The following DOCK8 variants were observed in gnomAD, a reference collection of about 807,000 sequenced individuals.
DOCK8 encodes the protein dedicator of cytokinesis 8.
DOCK8 carries 141 observed loss-of-function variants against 245.6 expected under a neutral mutation model. The observed-to-expected ratio is 0.57, with a 90% CI of 0.50 to 0.66. The LOEUF (loss-of-function observed/expected upper bound fraction) is 0.66. DOCK8 is among the 30% of genes least tolerant of loss of function. The probability of loss-of-function intolerance (pLI) is 0.00; values close to 1 mark genes in which losing one functional copy is unlikely to be tolerated. For synonymous variants in DOCK8, 1,168 were observed against 970.2 expected, an observed-to-expected ratio of 1.20 and a Z score of -3.79; for missense variants, 2,965 against 2,603.4, an observed-to-expected ratio of 1.14 and a Z score of -3.02.
chr9:457,571 G>A (rs535104905), intron 46 of DOCK8, among the ~76,000 whole-genome samples: 6 of 152,306 alleles, frequency 3.9e-5, no homozygotes, highest in African/African-American at 1.4e-4. Context: ...ACACAGTGAT[G>A]CTGATGAGAC....
At position 372,190 on chromosome 9, in the gene DOCK8, G is replaced by C; in HGVS notation, c.2013G>C (p.Leu671=). The part of the protein sequence containing the change: ...SVETLLGYSW[L]PILLNERLQT... ...ATTTACATCATCTGTTTCAGTGGCTGCCAATTCTCTTAAATGAACGTCTTC... is the reference window on the plus strand; with the variant it reads ...ATTTACATCATCTGTTTCAGTGGCTCCCAATTCTCTTAAATGAACGTCTTC... Residue 671 remains leucine, a synonymous_variant, in exon 18 of 48, where the codon CTG becomes CTC. Coordinates refer to ENST00000432829, the MANE Select transcript of DOCK8 (RefSeq NM_203447.4). The C allele has an allele frequency of 2.5e-6, 4 of 1,613,780 alleles. No homozygotes were observed. The highest frequency in any genetic ancestry group is 1.7e-6 in the Non-Finnish European group (2 of 1,179,870).
intron 29 of DOCK8, among the ~76,000 whole-genome samples, 169 bp downstream of exon 29, chr9:415,120 C>CA (rs373687394): frequency 1.3e-5 from 2 of 151,898 alleles, no homozygotes; most frequent in Admixed American, 1.3e-4. Context: ...GTTAAAAAAA[C>CA]AAAAAAAGTC....
At chr9:249,343 C>G (rs1375993409) in intron 1 of DOCK8, among the ~76,000 whole-genome samples, 3 of 152,166 alleles carry the variant, frequency 2.0e-5, no homozygotes, top group African/African-American at 7.2e-5. Context: ...TGACCACAGC[C>G]TGTGACTCCA....
At chr9:335,718 A>C (rs1192300514) in intron 11 of DOCK8, among the ~76,000 whole-genome samples, 1 of 152,154 alleles carries the variant, frequency 6.6e-6, no homozygotes, top group Non-Finnish European at 1.5e-5. Context: ...TAGGTCAAGG[A>C]TAACCTGACA....
At chr9:233,058 A>C (rs1051814510) in intron 1 of DOCK8, among the ~76,000 whole-genome samples, 2 of 152,042 alleles carry the variant, frequency 1.3e-5, no homozygotes, top group Non-Finnish European at 2.9e-5. Context: ...CCCTCTACAC[A>C]CTGCTTTGAA....
At chr9:298,397 C>T (rs1488358132) in intron 4 of DOCK8, among the ~76,000 whole-genome samples, 1 of 152,124 alleles carries the variant, frequency 6.6e-6, no homozygotes, top group Admixed American at 6.5e-5. Flanking sequence ...TGTACTCCAG[C>T]CTGGGTGAAG....
rs1564021928 is a variant in DOCK8, at chr9:403,976, GTGTATATATATATATGTGTATA to G, written c.3235-940_3235-919del. 8.9e-3 allele frequency among the ~76,000 whole-genome samples: 594 copies of G among 66,866 alleles called. 13 individuals carry two copies. Among genetic ancestry groups the G allele is most frequent in the African/African-American group, 0.054 (547 of 10,158 alleles). 43.9% of individuals were successfully genotyped at this position (66,866 alleles called of 152,430 possible). A position where few individuals can be genotyped will look rare whatever the true frequency, so the allele number is the denominator to read the frequency against. ...TATATATATGTATATATATATATAT[GTGTATATATATATATGTGTATA>G]TATATATATATATAGTTTAAAAAAC... On this transcript the variant is annotated intron_variant, in intron 26 of 47. Transcript: ENST00000432829.
At chr9:286,353 A>C in intron 2 of DOCK8, 108 bp from the exon 3 acceptor site, 1 of 1,279,964 alleles carries the variant, frequency 7.8e-7, no homozygotes, top group Non-Finnish European at 1.1e-6. Context: ...GCCAGGAGCG[A>C]AGTACTTACT....
Position 418,090 on chromosome 9 carries a change from C to CA in DOCK8, c.3724dup (p.Thr1242AsnfsTer6). ...CAGTTGCAGATACTCGCAGATACCG[C>CA]ACCAGTGGCTCGGATGAAGAACAAG... On this transcript the variant is annotated frameshift_variant, in exon 30 of 48. Transcript: ENST00000432829. LOFTEE classifies it high-confidence loss of function. The CA allele has an allele frequency of 6.2e-7, 1 of 1,614,166 alleles. No homozygotes were observed.
chr9:332,191 A>G (rs557822929), intron 9 of DOCK8, among the ~76,000 whole-genome samples: 45 of 152,306 alleles, frequency 3.0e-4, no homozygotes, highest in African/African-American at 7.9e-4. Flanking sequence ...CTGAGTATCT[A>G]CTGTCACCCT....
chr9:221,962 A>T (rs575246637), intron 1 of DOCK8, among the ~76,000 whole-genome samples: 13 of 152,112 alleles, frequency 8.5e-5, no homozygotes, highest in Admixed American at 2.6e-4. Context: ...GGGCATGAAG[A>T]TAGGTTCCAG....
intron 22 of DOCK8, among the ~76,000 whole-genome samples, 156 bp downstream of exon 22, chr9:382,841 A>G (rs2053780275): frequency 6.6e-6 from 1 of 152,176 alleles, no homozygotes; most frequent in African/African-American, 2.4e-5. Flanking sequence ...TCTTTAGAAC[A>G]GATTAAGACC....
chr9:326,643 A>G (rs544473436), intron 8 of DOCK8, among the ~76,000 whole-genome samples: 38 of 152,302 alleles, frequency 2.5e-4, no homozygotes, highest in Non-Finnish European at 4.1e-4. Flanking sequence ...TTCTTTAACC[A>G]TCCAGGGTGG....
intron 40 of DOCK8, among the ~76,000 whole-genome samples, chr9:440,812 C>G (rs1348475550): frequency 6.6e-6 from 1 of 152,342 alleles, no homozygotes; most frequent in East Asian, 1.9e-4. Context: ...AGCCTTGGCT[C>G]ACTACAGCCT....
At chr9:339,154 G>C (rs1214449282) in intron 13 of DOCK8, 55 bp downstream of exon 13, 5 of 1,450,284 alleles carry the variant, frequency 3.4e-6, no homozygotes, top group African/African-American at 1.4e-5. Context: ...CTTATCGTTA[G>C]ACACAGTCTT....
rs1387666210 is a variant in DOCK8, at chr9:308,279, A to T, written c.528+3575A>T. ...AATTACCCTGATTTGATCATTACAC[A>T]TTGTACACAGGTATTGAGATATTAC... On this transcript the variant is annotated intron_variant, in intron 5 of 47. Transcript: ENST00000432829. Among the ~76,000 whole-genome samples, 3 of 152,268 alleles carry T rather than the reference A, an allele frequency of 2.0e-5. No homozygotes were observed. In the East Asian group the frequency reaches 5.8e-4, roughly 29 times the overall value.
chr9:261,875 A>C (rs1252303455), intron 1 of DOCK8, among the ~76,000 whole-genome samples: 1 of 151,984 alleles, frequency 6.6e-6, no homozygotes, highest in Non-Finnish European at 1.5e-5. Context: ...CTTAAAGTCC[A>C]TTTTGTCTGA....
intron 1 of DOCK8, among the ~76,000 whole-genome samples, chr9:234,496 C>G (rs1248847552): frequency 1.3e-5 from 2 of 152,172 alleles, no homozygotes; most frequent in Non-Finnish European, 2.9e-5. Flanking sequence ...GAGTGTTTTC[C>G]AACTTGGTTC....
intron 4 of DOCK8, among the ~76,000 whole-genome samples, chr9:290,715 C>T (rs1325395447): frequency 2.0e-5 from 3 of 152,156 alleles, no homozygotes; most frequent in Admixed American, 6.5e-5. Context: ...AGGGCACACC[C>T]CACTAGAGAC....
Sources: gnomAD v4.1 joint callset for allele counts (sites outside exome capture counted in the v4.1 genomes callset) on GRCh38, gnomAD v4.1.1 for gene constraint, MANE v1.5 for transcripts, NCBI Gene and HGNC (gene_info 2026-07-23, HGNC 2026-07-21) for gene names.